The following SUMF1 variants were observed in gnomAD, a reference collection of about 807,000 sequenced individuals.
SUMF1 encodes the protein sulfatase modifying factor 1, also known as formylglycine-generating enzyme.
SUMF1 carries 48 observed loss-of-function variants against 47.6 expected under a neutral mutation model. The ratio of observed to expected loss-of-function variants is 1.01; its 90% CI spans 0.80 to 1.28. The LOEUF is 1.28. Ranked by LOEUF, SUMF1 falls within the 50% of genes most tolerant of loss-of-function variation. SUMF1 has a pLI of 0.00. For synonymous variants in SUMF1, 230 were observed against 192.1 expected (o/e 1.20, Z -1.63); for missense variants, 571 against 485.4 (o/e 1.18, Z -1.66).
intron 8 of SUMF1, among the ~76,000 whole-genome samples, chr3:4,119,468 G>A (rs548194213): frequency 6.6e-6 from 1 of 152,086 alleles, no homozygotes; most frequent in African/African-American, 2.4e-5. Flanking sequence ...CACTGGTCCT[G>A]AATGCCTCAG....
chr3:4,420,868 A>G (rs1701877482), intron 3 of SUMF1, among the ~76,000 whole-genome samples: 1 of 152,152 alleles, frequency 6.6e-6, no homozygotes, highest in African/African-American at 2.4e-5. Context: ...AGCACAGAAG[A>G]AAAAATGGGG....
At chr3:4,081,220 T>C (rs1018321373) in intron 8 of SUMF1, among the ~76,000 whole-genome samples, 3 of 152,066 alleles carry the variant, frequency 2.0e-5, no homozygotes, top group African/African-American at 7.3e-5. Context: ...GGACACTACT[T>C]AGTAGCAAAG....
rs1002439464 is a variant in SUMF1 at position 4,074,459 on chromosome 3, A to T, written c.1015-5714T>A. On this transcript the variant is annotated intron_variant and NMD_transcript_variant, in intron 8 of 12. Transcript: ENST00000448413. ...AGAAGCAAGAGCAAACAAATTCAAA[A>T]GCTAGCAGAAGGCAAGAAATAACTA... Among the ~76,000 whole-genome samples, 4 of 152,126 alleles carry T rather than the reference A, an allele frequency of 2.6e-5. 1 individual carries two copies. Among genetic ancestry groups the T allele is most frequent in the Non-Finnish European group, 5.9e-5 (4 of 68,034 alleles).
chr3:4,130,685 T>C (rs528411469), intron 8 of SUMF1, among the ~76,000 whole-genome samples: 18 of 151,976 alleles, frequency 1.2e-4, no homozygotes, highest in Non-Finnish European at 1.9e-4. Context: ...GGATGAAGGA[T>C]AAGTTGCTGT....
intron 9 of SUMF1, among the ~76,000 whole-genome samples, chr3:4,051,098 C>T (rs1695102846): frequency 6.7e-6 from 1 of 150,064 alleles, no homozygotes; most frequent in Non-Finnish European, 1.5e-5. Context: ...TTGAACAGGG[C>T]TAAATATACT....
At chr3:4,241,408 T>A (rs1696534987) in intron 8 of SUMF1, among the ~76,000 whole-genome samples, 1 of 152,144 alleles carries the variant, frequency 6.6e-6, no homozygotes, top group Non-Finnish European at 1.5e-5. Flanking sequence ...TGGATTGAAG[T>A]CTGAAGGCCC....
chr3:4,143,470 T>C (rs922310302), intron 8 of SUMF1, among the ~76,000 whole-genome samples: 1 of 152,090 alleles, frequency 6.6e-6, no homozygotes, highest in Non-Finnish European at 1.5e-5. Flanking sequence ...ACAGTAGCAA[T>C]TACATCTGAA....
At chr3:4,189,669 T>C (rs1221799200) in intron 8 of SUMF1, among the ~76,000 whole-genome samples, 4 of 151,540 alleles carry the variant, frequency 2.6e-5, no homozygotes, top group Non-Finnish European at 5.9e-5. Context: ...CAAGAGATCC[T>C]AGATTAAAGC....
At chr3:4,059,245 C>A (rs568716829) in intron 9 of SUMF1, among the ~76,000 whole-genome samples, 1 of 152,256 alleles carries the variant, frequency 6.6e-6, no homozygotes, top group African/African-American at 2.4e-5. Context: ...CTACTCAATG[C>A]AAGGTCTACA....
intron 8 of SUMF1, among the ~76,000 whole-genome samples, chr3:4,270,574 G>C (rs1697283773): frequency 6.6e-6 from 1 of 152,158 alleles, no homozygotes; most frequent in Admixed American, 6.6e-5. Context: ...TATATTTACA[G>C]AGACAAAAGG....
At chr3:4,133,871 G>A (rs750595975) in intron 8 of SUMF1, among the ~76,000 whole-genome samples, 1 of 152,018 alleles carries the variant, frequency 6.6e-6, no homozygotes, top group Non-Finnish European at 1.5e-5. Flanking sequence ...GGTGTCTACT[G>A]CTAAAGTGGG....
At chr3:4,151,423 G>GTATATATGTATATATGTA (rs1559514116) in intron 8 of SUMF1, among the ~76,000 whole-genome samples, 6 of 144,702 alleles carry the variant, frequency 4.1e-5, no homozygotes, top group South Asian at 2.1e-4. Context: ...GTATATATGT[G>GTATATATGTATATATGTA]TATACATGTG....
chr3:4,253,308 T>G (rs1001371195), intron 8 of SUMF1, among the ~76,000 whole-genome samples: 7 of 151,816 alleles, frequency 4.6e-5, no homozygotes, highest in African/African-American at 1.7e-4. Context: ...CCAGCGTGAG[T>G]GACGCAGAAG....
At chr3:4,430,468 T>A (rs711654) in intron 3 of SUMF1, among the ~76,000 whole-genome samples, 1 of 151,976 alleles carries the variant, frequency 6.6e-6, no homozygotes, top group Non-Finnish European at 1.5e-5. Context: ...AAAATTAGTA[T>A]ACTATGAAAA....
intron 8 of SUMF1, among the ~76,000 whole-genome samples, chr3:4,286,293 C>T (rs1315954130): frequency 6.6e-6 from 1 of 151,910 alleles, no homozygotes. Flanking sequence ...CTTATTGTTC[C>T]TTTTGCATGT....
chr3:4,165,207 A>T (rs957444830), intron 8 of SUMF1, among the ~76,000 whole-genome samples: 2 of 152,152 alleles, frequency 1.3e-5, no homozygotes, highest in Non-Finnish European at 2.9e-5. Flanking sequence ...CCATGGTTTG[A>T]TCTAACAATA....
intron 3 of SUMF1, among the ~76,000 whole-genome samples, chr3:4,428,909 T>C (rs1486636227): frequency 1.3e-5 from 2 of 152,258 alleles, no homozygotes; most frequent in Non-Finnish European, 2.9e-5. Flanking sequence ...TTATATTGAA[T>C]GTTTTCATTG....
chr3:4,209,906 T>G (rs1239022578), intron 8 of SUMF1, among the ~76,000 whole-genome samples: 1 of 152,004 alleles, frequency 6.6e-6, no homozygotes, highest in Non-Finnish European at 1.5e-5. Context: ...AAAAAAAAAT[T>G]TTTTTTGAGG....
chr3:4,280,233 T>A (rs769565627), intron 8 of SUMF1, among the ~76,000 whole-genome samples: 1 of 152,152 alleles, frequency 6.6e-6, no homozygotes, highest in Non-Finnish European at 1.5e-5. Flanking sequence ...TAAAATGTTT[T>A]AAAAAATTCC....
Sources: gnomAD v4.1 joint callset for allele counts (sites outside exome capture counted in the v4.1 genomes callset) on GRCh38, gnomAD v4.1.1 for gene constraint, MANE v1.5 for transcripts, NCBI Gene and HGNC (gene_info 2026-07-23, HGNC 2026-07-21) for gene names.